MGAT4C: variants seen among roughly 807,000 people sequenced by gnomAD.
MGAT4C encodes the protein alpha-1,3-mannosyl-glycoprotein 4-beta-N-acetylglucosaminyltransferase C.
In MGAT4C, 19 loss-of-function variants were observed where a neutral mutation model predicts 40.1. That is an observed-to-expected ratio of 0.47 (90% CI 0.33 to 0.70). The LOEUF is 0.70. Among genes scored for constraint, MGAT4C ranks in the 30% least tolerant of loss-of-function variants. The probability of loss-of-function intolerance (pLI) is 0.02; values close to 1 mark genes in which losing one functional copy is unlikely to be tolerated. For missense variants in MGAT4C, 491 were observed against 563.2 expected (o/e 0.87, Z 1.30); for synonymous variants, 181 against 187.1 (o/e 0.97, Z 0.27).
chr12:86,436,317 A>G (rs995495786), intron 2 of MGAT4C, among the ~76,000 whole-genome samples: 5 of 150,592 alleles, frequency 3.3e-5, no homozygotes, highest in Admixed American at 2.0e-4. Flanking sequence ...ATCTCAAAAA[A>G]TGACAACTTA....
At chr12:86,262,726 T>C (rs907955803) in intron 4 of MGAT4C, among the ~76,000 whole-genome samples, 1 of 152,126 alleles carries the variant, frequency 6.6e-6, no homozygotes, top group Admixed American at 6.5e-5. Context: ...AATTGGAATT[T>C]ATTTTTAATT....
chr12:86,040,516 T>C (rs1460081916), intron 2 of MGAT4C, among the ~76,000 whole-genome samples: 1 of 152,182 alleles, frequency 6.6e-6, no homozygotes, highest in Non-Finnish European at 1.5e-5. Context: ...AACTTCCCCA[T>C]GGCTCTGTTT....
intron 1 of MGAT4C, among the ~76,000 whole-genome samples, chr12:86,140,687 C>T (rs1882712626): frequency 1.3e-5 from 2 of 152,112 alleles, no homozygotes; most frequent in Admixed American, 1.3e-4. Flanking sequence ...TATGTGCCCC[C>T]TACCAACCTT....
intron 3 of MGAT4C, 22 bp downstream of exon 3, chr12:85,989,378 A>G (rs1455676611): frequency 1.3e-6 from 2 of 1,545,362 alleles, no homozygotes; most frequent in Non-Finnish European, 1.7e-6. Context: ...TGAAGAAAAG[A>G]CAATCAACCT....
intron 3 of MGAT4C, among the ~76,000 whole-genome samples, chr12:86,356,275 A>C (rs1955307796): frequency 6.6e-6 from 1 of 152,190 alleles, no homozygotes; most frequent in African/African-American, 2.4e-5. Flanking sequence ...ACAAACAAAA[A>C]TCCAATCACA....
intron 2 of MGAT4C, among the ~76,000 whole-genome samples, chr12:86,552,743 T>C (rs896288494): frequency 3.3e-5 from 5 of 152,084 alleles, no homozygotes; most frequent in Non-Finnish European, 5.9e-5. Context: ...CAGTTATAAA[T>C]TAATGTCTGT....
chr12:86,760,510 G>T (rs1421010894), intron 1 of MGAT4C, among the ~76,000 whole-genome samples: 1 of 151,858 alleles, frequency 6.6e-6, no homozygotes, highest in Non-Finnish European at 1.5e-5. Context: ...AGTAAAAAAT[G>T]ATCTTATTGC....
intron 2 of MGAT4C, among the ~76,000 whole-genome samples, chr12:86,489,700 G>A (rs529580285): frequency 6.6e-6 from 1 of 152,210 alleles, no homozygotes; most frequent in East Asian, 1.9e-4. Flanking sequence ...CTCCTCCGAG[G>A]GGTTGAACCA....
At chr12:86,647,969 ACC>A (rs1257238129) in intron 2 of MGAT4C, among the ~76,000 whole-genome samples, 1 of 151,812 alleles carries the variant, frequency 6.6e-6, no homozygotes, top group African/African-American at 2.4e-5. Flanking sequence ...TTGCCAGTAG[ACC>A]CATGAGGGCA....
At position 86,788,061 on chromosome 12, in the gene MGAT4C, CTTCTT is replaced by C. The variant is rs1289124016; in HGVS notation, c.-262+50600_-262+50604del. ...TTCATGAGGTAGGGAGATTTGTTCT[CTTCTT>C]TTCAGTTTTCATTTTCATGTATGTA... On this transcript the variant is annotated intron_variant, in intron 1 of 7. Transcript: ENST00000548651. Among the ~76,000 whole-genome samples, 16 of 151,812 alleles carry C rather than the reference CTTCTT, an allele frequency of 1.1e-4. No homozygotes were observed. The South Asian group carries it at 2.7e-3, about 26-fold the overall frequency.
intron 3 of MGAT4C, among the ~76,000 whole-genome samples, chr12:86,361,368 A>G (rs952839647): frequency 4.6e-5 from 7 of 152,160 alleles, no homozygotes; most frequent in African/African-American, 1.4e-4. Flanking sequence ...TGTTAGACCT[A>G]AAACCATAAA....
chr12:86,676,649 T>C (rs1431836725), intron 2 of MGAT4C, among the ~76,000 whole-genome samples: 2 of 152,016 alleles, frequency 1.3e-5, no homozygotes, highest in Non-Finnish European at 2.9e-5. Flanking sequence ...CCTGTGTAGA[T>C]GAGTTTGTCA....
chr12:85,989,626 T>C (rs973512851), intron 2 of MGAT4C, 74 bp from the exon 3 acceptor site: 1 of 1,338,264 alleles, frequency 7.5e-7, no homozygotes, highest in African/African-American at 1.5e-5. Flanking sequence ...TATATAAAAG[T>C]CAGGTCCTTG....
intron 2 of MGAT4C, among the ~76,000 whole-genome samples, chr12:86,612,016 A>C (rs1475482472): frequency 6.6e-6 from 1 of 151,234 alleles, no homozygotes; most frequent in Non-Finnish European, 1.5e-5. Context: ...GTTTATCACA[A>C]CTTGGAGGAT....
At chr12:86,737,077 C>T (rs1950997714) in intron 1 of MGAT4C, among the ~76,000 whole-genome samples, 1 of 150,220 alleles carries the variant, frequency 6.7e-6, no homozygotes, top group African/African-American at 2.4e-5. Context: ...CTTTCTCTTC[C>T]AGCTATTATC....
chr12:86,593,299 T>A (rs1221767043), intron 2 of MGAT4C, among the ~76,000 whole-genome samples: 1 of 152,138 alleles, frequency 6.6e-6, no homozygotes, highest in Non-Finnish European at 1.5e-5. Context: ...AAATGTTGAT[T>A]TTGTTAATTG....
chr12:86,439,594 C>T (rs1053177647), intron 2 of MGAT4C, among the ~76,000 whole-genome samples: 4 of 151,714 alleles, frequency 2.6e-5, no homozygotes, highest in African/African-American at 9.7e-5. Context: ...AAAACAAATC[C>T]AAAGCTAGCA....
At chr12:86,592,226 G>T (rs1430993409) in intron 2 of MGAT4C, among the ~76,000 whole-genome samples, 1 of 151,902 alleles carries the variant, frequency 6.6e-6, no homozygotes, top group East Asian at 1.9e-4. Flanking sequence ...CAACATAGAA[G>T]ATATCATTAG....
Position 85,961,444 on chromosome 12 carries a change from C to A in MGAT4C, c.*17845G>T, listed in dbSNP as rs1284286017. 1 of 151,562 alleles carries A rather than the reference C, an allele frequency of 6.6e-6. No individual in the cohort carries two copies. The highest frequency in any genetic ancestry group is 1.5e-5 in the Non-Finnish European group (1 of 67,720). 9.4% of individuals were successfully genotyped at this position (151,562 alleles called of 1,614,324 possible). A position where few individuals can be genotyped will look rare whatever the true frequency, so the allele number is the denominator to read the frequency against. Reference sequence around the variant, plus strand: ...TGGTACTAATAATATTGAGATTTTACAATTTAGGTTATAATCAAGATAATT... The same window carrying A: ...TGGTACTAATAATATTGAGATTTTAAAATTTAGGTTATAATCAAGATAATT... On this transcript the variant is annotated 3_prime_UTR_variant, in exon 5 of 5. Coordinates refer to ENST00000611864, the MANE Select transcript of MGAT4C (RefSeq NM_001351288.2).
Sources: allele counts gnomAD v4.1 joint callset (sites outside exome capture counted in the v4.1 genomes callset), GRCh38; gene constraint gnomAD v4.1.1; transcripts MANE v1.5; gene names NCBI Gene and HGNC (gene_info 2026-07-23, HGNC 2026-07-21).